The following B3GALT1 variants were observed in gnomAD, a reference collection of about 807,000 sequenced individuals.
B3GALT1 encodes UDP-Gal:betaGlcNAc beta 1,3-galactosyltransferase, polypeptide 1.
B3GALT1 carries 10 observed loss-of-function variants against 23.2 expected under a neutral mutation model. The ratio of observed to expected loss-of-function variants is 0.43; its 90% confidence interval spans 0.27 to 0.73. The LOEUF is 0.73. Among genes scored for constraint, B3GALT1 ranks in the 30% least tolerant of loss-of-function variants. The pLI, the probability that B3GALT1 is intolerant of heterozygous loss-of-function variation, is 0.21. For missense variants in B3GALT1, 299 were observed against 405.4 expected (o/e 0.74, Z 2.25); for synonymous variants, 156 against 141.5 (o/e 1.10, Z -0.73).
At chr2:167,349,595 T>C (rs778644252) in intron 1 of B3GALT1, among the ~76,000 whole-genome samples, 2 of 152,176 alleles carry the variant, frequency 1.3e-5, no homozygotes, top group Non-Finnish European at 2.9e-5. Flanking sequence ...AAGAAACTTA[T>C]GCTAATTTTA....
intron 2 of B3GALT1, among the ~76,000 whole-genome samples, chr2:167,541,234 A>T (rs567363390): frequency 7.2e-5 from 11 of 152,136 alleles, no homozygotes; most frequent in Non-Finnish European, 1.6e-4. Context: ...ATAAATCGTC[A>T]GTTTTAGCTT....
chr2:167,781,709 G>A (rs1574259591), intron 3 of B3GALT1, among the ~76,000 whole-genome samples: 1 of 152,016 alleles, frequency 6.6e-6, no homozygotes, highest in East Asian at 1.9e-4. Context: ...CTTGTGGTTG[G>A]AGGTGGGGGG....
intron 4 of B3GALT1, among the ~76,000 whole-genome samples, chr2:167,862,055 T>C (rs569358360): frequency 1.1e-4 from 17 of 152,296 alleles, no homozygotes; most frequent in African/African-American, 4.1e-4. Context: ...GCCAATTCGG[T>C]GTAACTGGCA....
intron 2 of B3GALT1, among the ~76,000 whole-genome samples, chr2:167,503,903 CA>C (rs1699881614): frequency 6.6e-6 from 1 of 152,104 alleles, no homozygotes; most frequent in African/African-American, 2.4e-5. Context: ...ACACTAGACC[CA>C]TATATTTTCT....
chr2:167,619,159 C>T (rs1197250771), intron 2 of B3GALT1, among the ~76,000 whole-genome samples: 1 of 151,836 alleles, frequency 6.6e-6, no homozygotes, highest in Non-Finnish European at 1.5e-5. Context: ...TTATTTTTAT[C>T]TGTATGCACT....
intron 3 of B3GALT1, among the ~76,000 whole-genome samples, chr2:167,743,986 T>C (rs571048913): frequency 1.3e-5 from 2 of 152,314 alleles, no homozygotes; most frequent in African/African-American, 4.8e-5. Flanking sequence ...GAAATATTTT[T>C]AATTTCCACT....
chr2:167,614,981 T>C (rs1653403), intron 2 of B3GALT1, among the ~76,000 whole-genome samples: 2,421 of 151,982 alleles, frequency 0.016, 87 homozygotes, highest in African/African-American at 0.055. Flanking sequence ...ATATAAATAC[T>C]AAAAGAAAAC....
At chr2:167,513,843 G>A (rs1700063469) in intron 2 of B3GALT1, among the ~76,000 whole-genome samples, 1 of 151,998 alleles carries the variant, frequency 6.6e-6, no homozygotes, top group Non-Finnish European at 1.5e-5. Flanking sequence ...TTTTACTGCT[G>A]CTATAAACTT....
chr2:167,541,930 G>A (rs1683539294), intron 2 of B3GALT1, among the ~76,000 whole-genome samples: 1 of 152,072 alleles, frequency 6.6e-6, no homozygotes, highest in Non-Finnish European at 1.5e-5. Context: ...GCTATTTGAT[G>A]AGTGAGTTTC....
intron 4 of B3GALT1, among the ~76,000 whole-genome samples, chr2:167,857,702 T>G (rs1690023662): frequency 6.6e-6 from 1 of 152,160 alleles, no homozygotes; most frequent in African/African-American, 2.4e-5. Context: ...TAAGTACTAA[T>G]TTAGGAAAAT....
Position 167,860,734 on chromosome 2 carries a change from C to T in B3GALT1, c.-229-8077C>T, listed in dbSNP as rs1378548284. 5.9e-5 allele frequency among the ~76,000 whole-genome samples: 9 copies of T among 152,138 alleles called. No homozygotes were observed. The East Asian group carries it at 1.5e-3, about 26-fold the overall frequency. Reference sequence around the variant, plus strand: ...GCTGGTTTGGGAAATGTGCCTCAATCCCAGCTTGAGTTTCTCAACTAATCT... The same window carrying T: ...GCTGGTTTGGGAAATGTGCCTCAATTCCAGCTTGAGTTTCTCAACTAATCT... On this transcript the variant is annotated intron_variant, in intron 4 of 4. Coordinates refer to ENST00000392690, the MANE Select transcript of B3GALT1 (RefSeq NM_020981.4).
At chr2:167,433,612 G>T (rs939317091) in intron 1 of B3GALT1, among the ~76,000 whole-genome samples, 1 of 152,106 alleles carries the variant, frequency 6.6e-6, no homozygotes, top group Non-Finnish European at 1.5e-5. Context: ...TGTTTTAAAA[G>T]CAATTAAGAG....
At chr2:167,866,941 T>C (rs1254749917) in intron 4 of B3GALT1, among the ~76,000 whole-genome samples, 2 of 151,990 alleles carry the variant, frequency 1.3e-5, no homozygotes, top group Non-Finnish European at 2.9e-5. Context: ...AGCTCTTTTT[T>C]TTTGAGACGG....
At chr2:167,780,318 A>C (rs1172705416) in intron 3 of B3GALT1, among the ~76,000 whole-genome samples, 1 of 152,190 alleles carries the variant, frequency 6.6e-6, no homozygotes, top group African/African-American at 2.4e-5. Context: ...TTGTGTGTGT[A>C]TTGGCAAGGA....
chr2:167,395,229 T>C (rs557044013), intron 1 of B3GALT1, among the ~76,000 whole-genome samples: 78 of 152,146 alleles, frequency 5.1e-4, no homozygotes, highest in African/African-American at 1.8e-3. Flanking sequence ...ATGTTCTAGA[T>C]CCTGAAACCT....
At chr2:167,475,704 C>G (rs1193395565) in intron 1 of B3GALT1, among the ~76,000 whole-genome samples, 2 of 151,930 alleles carry the variant, frequency 1.3e-5, no homozygotes. Flanking sequence ...AATGTATTCC[C>G]CACAGATAAG....
chr2:167,399,744 G>C (rs1698157484), intron 1 of B3GALT1, among the ~76,000 whole-genome samples: 1 of 151,900 alleles, frequency 6.6e-6, no homozygotes, highest in Non-Finnish European at 1.5e-5. Context: ...TTCTGGGCAT[G>C]CTGTAAAGTT....
intron 2 of B3GALT1, among the ~76,000 whole-genome samples, chr2:167,518,249 T>A (rs968055365): frequency 2.0e-5 from 3 of 151,738 alleles, no homozygotes; most frequent in Non-Finnish European, 4.4e-5. Context: ...TCTAACCAAT[T>A]TAGCTGACTC....
At chr2:167,653,065 T>C (rs114701561) in intron 3 of B3GALT1, among the ~76,000 whole-genome samples, 1,700 of 152,256 alleles carry the variant, frequency 0.011, 20 homozygotes, top group Middle Eastern at 0.054. Flanking sequence ...TTCTCATTTA[T>C]TGAAGGGAAT....
Sources: gnomAD v4.1 joint callset for allele counts (sites outside exome capture counted in the v4.1 genomes callset) on GRCh38, gnomAD v4.1.1 for gene constraint, MANE v1.5 for transcripts, NCBI Gene and HGNC (gene_info 2026-07-23, HGNC 2026-07-21) for gene names.